The following PEX1 variants were observed in gnomAD, a reference collection of about 807,000 sequenced individuals.
PEX1 encodes the protein peroxisomal ATPase PEX1.
PEX1 carries 97 observed loss-of-function variants against 152.5 expected under a neutral mutation model. That is an observed-to-expected ratio of 0.64 (90% CI 0.54 to 0.75). The LOEUF is 0.75. Among genes scored for constraint, PEX1 ranks in the 30% least tolerant of loss-of-function variants. PEX1 has a pLI of 0.00. For synonymous variants in PEX1, 485 were observed against 531.6 expected, an observed-to-expected ratio of 0.91 and a Z score of 1.21; for missense variants, 1,357 against 1,516.3, an observed-to-expected ratio of 0.89 and a Z score of 1.74.
Position 92,507,024 on chromosome 7 carries a change from C to T in PEX1, c.1773G>A (p.Arg591=), listed in dbSNP as rs2116180929. 1.2e-6 allele frequency: 2 copies of T among 1,614,096 alleles called. No individual in the cohort carries two copies. The highest frequency in any genetic ancestry group is 1.7e-6 in the Non-Finnish European group (2 of 1,180,002). ...CTCCTGTGAGTAAAAGAGCTCCATTCCTAAGTCCTGCAACAAGAGACATCA... is the reference window on the plus strand; with the variant it reads ...CTCCTGTGAGTAAAAGAGCTCCATTTCTAAGTCCTGCAACAAGAGACATCA... The part of the protein sequence containing the change: ...RQLMSLVAGL[R]NGALLLTGGK... Residue 591 remains arginine (R), a synonymous_variant, in exon 10 of 24, where the codon AGG becomes AGA. Transcript: ENST00000248633.
intron 21 of PEX1, 23 bp from the exon 22 acceptor site, chr7:92,489,934 G>A: frequency 1.3e-6 from 2 of 1,585,610 alleles, no homozygotes; most frequent in Admixed American, 1.7e-5. Flanking sequence ...TTGTAGTAAT[G>A]AAAGATGGAA....
intron 9 of PEX1, chr7:92,507,939 A>G (rs1026279985): frequency 6.6e-6 from 1 of 152,050 alleles, no homozygotes; most frequent in Non-Finnish European, 1.5e-5. Context: ...CACCGCGCCC[A>G]GCCTCCAAGC....
chr7:92,524,158 G>A (rs1793165269), intron 1 of PEX1, among the ~76,000 whole-genome samples: 1 of 151,950 alleles, frequency 6.6e-6, no homozygotes, highest in Non-Finnish European at 1.5e-5. Flanking sequence ...CAAAATCACG[G>A]CTCACTGCAG....
intron 12 of PEX1, among the ~76,000 whole-genome samples, chr7:92,504,453 A>G (rs1792082037): frequency 6.6e-6 from 1 of 152,164 alleles, no homozygotes; most frequent in Non-Finnish European, 1.5e-5. Context: ...TATTTGTCAA[A>G]TGAACAAAAG....
Position 92,506,991 on chromosome 7 carries a change from T to G in PEX1, c.1803+3A>C. The G allele has an allele frequency of 6.2e-7, 1 of 1,614,014 alleles. No homozygotes were observed. The highest frequency in any genetic ancestry group is 8.5e-7 in the Non-Finnish European group (1 of 1,179,906). On this transcript the variant is annotated splice_donor_region_variant and intron_variant, in intron 10 of 23. Transcript: ENST00000248633. ...GAAAAATGAACACACCTTAACCACT[T>G]ACCTTTCCTCCTGTGAGTAAAAGAG...
Position 92,499,715 on chromosome 7 carries a change from T to C in PEX1, c.2707A>G (p.Ile903Val), listed in dbSNP as rs1009218596. 1.2e-5 allele frequency: 19 copies of C among 1,612,802 alleles called. No individual in the cohort carries two copies. The highest frequency in any genetic ancestry group is 3.3e-5 in the Admixed American group (2 of 59,990). ...AGTAGACAACATACCTTGACACTTA[T>C]AAAATTCATTCTACTCTCTCGTGCA... ...VIARESRMNFISVKGPELLSK... is the reference protein window; with the variant it reads ...VIARESRMNFVSVKGPELLSK... Residue 903 changes from isoleucine (I) to valine (V), a missense_variant, in exon 16 of 24, where the codon ATA becomes GTA. By Grantham distance (29) the Ile-to-Val change is conservative (BLOSUM62 3). Transcript: ENST00000248633.
At position 92,507,137 on chromosome 7, in the gene PEX1, T is replaced by C. The variant is rs1562858110; in HGVS notation, c.1671-11A>G. 3 of 1,611,846 alleles carry C rather than the reference T, an allele frequency of 1.9e-6. No homozygotes were observed. Among genetic ancestry groups the C allele is most frequent in the East Asian group, 2.2e-5 (1 of 44,840 alleles). On this transcript the variant is annotated splice_polypyrimidine_tract_variant and intron_variant, in intron 9 of 23. Coordinates refer to ENST00000248633, the MANE Select transcript of PEX1 (RefSeq NM_000466.3). ...AAGGAATTCACTCCTCTGTAAAAAA[T>C]ATACATAGTTACATGATAAAAGACT...
chr7:92,510,937 C>T lies in PEX1; in HGVS notation c.1587+7G>A, dbSNP rs371765274. ...ATTTTATTAAATATTCAATAACATG[C>T]TATTACTTGTATTGTAGTCTTCTGC... On this transcript the variant is annotated splice_region_variant and intron_variant, in intron 8 of 23. Transcript: ENST00000248633. 4.0e-5 allele frequency: 51 copies of T among 1,283,804 alleles called. No homozygotes were observed. The highest frequency in any genetic ancestry group is 5.4e-5 in the Non-Finnish European group (48 of 881,758). The allele number at this position is 1,283,804 out of a possible 1,614,324, so 79.5% of individuals were successfully genotyped here.
chr7:92,525,910 T>C (rs1013834656), intron 1 of PEX1, among the ~76,000 whole-genome samples: 3 of 152,222 alleles, frequency 2.0e-5, no homozygotes, highest in Admixed American at 6.5e-5. Flanking sequence ...GGTAGGATTA[T>C]TCCTTTTTAA....
chr7:92,509,416 AG>A lies in PEX1; in HGVS notation c.1588-6del. ...TACCATAGGATCTAGAAGGACCTAC[AG>A]TTGCAAGGAAAAATCAGTTTTACAT... is the stretch of plus-strand genomic sequence containing the variant. On this transcript the variant is annotated splice_polypyrimidine_tract_variant and splice_region_variant and intron_variant, in intron 8 of 23. Coordinates refer to ENST00000248633, the MANE Select transcript of PEX1 (RefSeq NM_000466.3). 1 of 1,599,538 alleles carries A rather than the reference AG, an allele frequency of 6.3e-7. No individual in the cohort carries two copies. The highest frequency in any genetic ancestry group is 8.6e-7 in the Non-Finnish European group (1 of 1,167,318).
intron 8 of PEX1, among the ~76,000 whole-genome samples, chr7:92,509,632 A>AT (rs1223369020): frequency 6.6e-6 from 1 of 152,164 alleles, no homozygotes; most frequent in African/African-American, 2.4e-5. Context: ...GCCTTAATAC[A>AT]TTTTACAGGT....
chr7:92,487,555 G>C lies in PEX1; in HGVS notation c.3768-14C>G. ...AAGCTTTCATATCTGAAAAAAGAAA[G>C]AGATAATTTAATATGTATAAATACT... On this transcript the variant is annotated splice_polypyrimidine_tract_variant and intron_variant, in intron 23 of 23. Coordinates refer to ENST00000248633, the MANE Select transcript of PEX1 (RefSeq NM_000466.3). The C allele has an allele frequency of 7.5e-7, 1 of 1,328,778 alleles. No homozygotes were observed. Among genetic ancestry groups the C allele is most frequent in the Middle Eastern group, 1.9e-4 (1 of 5,372 alleles). The allele number at this position is 1,328,778 out of a possible 1,614,324, so 82.3% of individuals were successfully genotyped here.
rs1792860342 is a variant in PEX1, at chr7:92,517,677, C to T, written c.838G>A (p.Val280Ile). Reference sequence around the variant, plus strand: ...CTGAAAATATTGTCTAGAGGAACAACCTTTGACTGCATATTTTTGAATGCA... The same window carrying T: ...CTGAAAATATTGTCTAGAGGAACAATCTTTGACTGCATATTTTTGAATGCA... ...INAFKNMQSK[V>I]VPLDNIFRVC... The change falls in exon 5 of 24, where the codon GTT becomes ATT. Residue 280 changes from valine (V) to isoleucine (I), a missense_variant. Physicochemically the swap from Val to Ile is conservative, Grantham distance 29. Coordinates refer to ENST00000248633, the MANE Select transcript of PEX1 (RefSeq NM_000466.3). The T allele has an allele frequency of 6.2e-7, 1 of 1,613,796 alleles. No homozygotes were observed. The highest frequency in any genetic ancestry group is 8.5e-7 in the Non-Finnish European group (1 of 1,179,940).
chr7:92,504,461 AAG>A (rs1299508303), intron 12 of PEX1, among the ~76,000 whole-genome samples: 3 of 152,140 alleles, frequency 2.0e-5, no homozygotes, highest in African/African-American at 7.2e-5. Context: ...AAATGAACAA[AAG>A]AGTAAATCTG....
In PEX1 at chr7:92,517,509, C is replaced by T; in HGVS notation, c.1006G>A (p.Val336Ile). 1 of 1,614,008 alleles carries T rather than the reference C, an allele frequency of 6.2e-7. No homozygotes were observed. The highest frequency in any genetic ancestry group is 8.5e-7 in the Non-Finnish European group (1 of 1,180,000). The change falls in exon 5 of 24, where the codon GTT becomes ATT. Residue 336 changes from valine to isoleucine, a missense_variant. Transcript: ENST00000248633. ...PSFTVTYGKLVKLLSPKQQQS... is the reference protein window; with the variant it reads ...PSFTVTYGKLIKLLSPKQQQS... ...TGTTGCTTTGGAGAAAGTAGCTTAA[C>T]TAGCTTTCCATATGTCACAGTAAAG... is the stretch of plus-strand genomic sequence containing the variant.
chr7:92,506,098 G>A, intron 11 of PEX1, 150 bp downstream of exon 11: 1 of 44,208 alleles, frequency 2.3e-5, no homozygotes, highest in Non-Finnish European at 3.8e-5. Flanking sequence ...AAAAACATTA[G>A]AAAGCCAAAG....
At chr7:92,522,069 T>C (rs778909873) in intron 2 of PEX1, 33 bp downstream of exon 2, 6 of 1,604,612 alleles carry the variant, frequency 3.7e-6, no homozygotes, top group South Asian at 3.3e-5. Flanking sequence ...TATGTGATAT[T>C]AGAAGAAAGT....
intron 19 of PEX1, chr7:92,493,649 A>G (rs1333650104): frequency 6.5e-6 from 1 of 153,722 alleles, no homozygotes; most frequent in Non-Finnish European, 1.4e-5. Context: ...AAAAACAAAA[A>G]CCCAAAAACC....
intron 1 of PEX1, among the ~76,000 whole-genome samples, chr7:92,524,904 G>A (rs1034956260): frequency 1.3e-4 from 20 of 152,074 alleles, no homozygotes; most frequent in Admixed American, 1.0e-3. Context: ...ACATAATCCA[G>A]ATAAATTCTA....
Sources: gnomAD v4.1 joint callset for allele counts (sites outside exome capture counted in the v4.1 genomes callset) on GRCh38, gnomAD v4.1.1 for gene constraint, MANE v1.5 for transcripts, NCBI Gene and HGNC (gene_info 2026-07-23, HGNC 2026-07-21) for gene names.